Variants in HMGXB4 observed in about 807,000 individuals in gnomAD.
The protein encoded by HMGXB4 is HMG-box containing 4, also known as HMG domain-containing protein 4.
A neutral mutation model predicts 63.9 loss-of-function variants in HMGXB4; 27 were observed. The observed-to-expected ratio is 0.42, with a 90% CI of 0.31 to 0.58. HMGXB4 has a LOEUF of 0.58. Among genes scored for constraint, HMGXB4 ranks in the 20% least tolerant of loss-of-function variants. The pLI is 0.13. For synonymous variants in HMGXB4, 264 were observed against 265.3 expected, an observed-to-expected ratio of 0.99 and a Z score of 0.05; for missense variants, 624 against 700.7, an observed-to-expected ratio of 0.89 and a Z score of 1.24.
intron 2 of HMGXB4, 105 bp downstream of exon 2, chr22:35,262,526 A>G (rs1922927903): frequency 2.6e-6 from 3 of 1,152,196 alleles, no homozygotes; most frequent in South Asian, 1.2e-5. Flanking sequence ...CTGGACTCCC[A>G]AGTGATGGTC....
At chr22:35,256,222 C>T (rs1292006403), upstream of HMGXB4, among the ~76,000 whole-genome samples, 4 of 152,190 alleles carry the variant, frequency 2.6e-5, no homozygotes, top group Non-Finnish European at 5.9e-5. Context: ...ATGACTACCT[C>T]GTCTTCAAGC....
intron 1 of HMGXB4, among the ~76,000 whole-genome samples, chr22:35,259,737 C>G (rs1388255698): frequency 6.6e-6 from 1 of 152,200 alleles, no homozygotes; most frequent in African/African-American, 2.4e-5. Context: ...TTTAGTTTTT[C>G]AAGCTCTTGG....
upstream of HMGXB4, among the ~76,000 whole-genome samples, chr22:35,252,499 C>T (rs376913693): frequency 1.3e-5 from 2 of 152,210 alleles, no homozygotes; most frequent in South Asian, 2.1e-4. Flanking sequence ...TGTTTCACTT[C>T]GAATAATCTC....
At chr22:35,276,687 A>C (rs1007974847) in intron 5 of HMGXB4, among the ~76,000 whole-genome samples, 4 of 152,186 alleles carry the variant, frequency 2.6e-5, no homozygotes, top group African/African-American at 9.7e-5. Context: ...AGAACACTTA[A>C]GACATTAGGA....
chr22:35,251,954 C>T, the HMGXB4 span, among the ~76,000 whole-genome samples: 1 of 152,174 alleles, frequency 6.6e-6, no homozygotes, highest in African/African-American at 2.4e-5. Context: ...CTGGCTCATT[C>T]CTGTAATCCC....
chr22:35,265,754 T>A, intron 5 of HMGXB4, 151 bp downstream of exon 5: 1 of 1,120,660 alleles, frequency 8.9e-7, no homozygotes, highest in Non-Finnish European at 1.2e-6. Context: ...TATAAAATAT[T>A]ACCAGTAGCC....
At chr22:35,262,690 T>C (rs1188560701) in intron 2 of HMGXB4, 7 of 537,678 alleles carry the variant, frequency 1.3e-5, no homozygotes. Context: ...CCTTGCCAGC[T>C]CCAGTGTGCA....
At chr22:35,264,186 G>A (rs1923046037) in intron 4 of HMGXB4, 2 of 714,476 alleles carry the variant, frequency 2.8e-6, no homozygotes, top group Non-Finnish European at 4.5e-6. Context: ...CCTCTGGCCT[G>A]CACCTGTGGG....
chr22:35,265,992 T>A (rs1021970497), intron 5 of HMGXB4, among the ~76,000 whole-genome samples: 2 of 151,400 alleles, frequency 1.3e-5, no homozygotes, highest in African/African-American at 4.9e-5. Context: ...TTTCACCATG[T>A]TGGCCAGGCT....
At chr22:35,246,120 C>A in the HMGXB4 span, among the ~76,000 whole-genome samples, 1 of 152,090 alleles carries the variant, frequency 6.6e-6, no homozygotes, top group African/African-American at 2.4e-5. Context: ...CTTGACCTTC[C>A]CTGACACCAC....
chr22:35,274,933 G>C (rs948115580), intron 5 of HMGXB4, among the ~76,000 whole-genome samples: 3 of 152,080 alleles, frequency 2.0e-5, no homozygotes, highest in Non-Finnish European at 4.4e-5. Context: ...CAGGCTGCCT[G>C]TGTTTAGTGG....
At chr22:35,253,602 C>T (rs12106565), upstream of HMGXB4, among the ~76,000 whole-genome samples, 10,265 of 46,780 alleles carry the variant, frequency 0.22, 487 homozygotes, top group Non-Finnish European at 0.28. Flanking sequence ...GGATTTTGTG[C>T]GCGCGCGCGC....
At position 35,262,434 on chromosome 22, in the gene HMGXB4, A is replaced by T; in HGVS notation, c.31+13A>T. 1 of 1,612,718 alleles carries T rather than the reference A, an allele frequency of 6.2e-7. No homozygotes were observed. The highest frequency in any genetic ancestry group is 8.5e-7 in the Non-Finnish European group (1 of 1,178,740). ...GTGAAGAAAGAAGGTATGACCCCAT[A>T]ATCTGAGAAGCATTCCAAAGGGGGT... On this transcript the variant is annotated intron_variant, in intron 2 of 10. Coordinates refer to ENST00000216106, the MANE Select transcript of HMGXB4 (RefSeq NM_001003681.3).
intron 5 of HMGXB4, among the ~76,000 whole-genome samples, chr22:35,279,839 T>A (rs965841401): frequency 7.9e-5 from 12 of 152,158 alleles, no homozygotes; most frequent in African/African-American, 2.4e-4. Context: ...TTCTGTTCCA[T>A]TGATGTATTT....
intron 5 of HMGXB4, among the ~76,000 whole-genome samples, chr22:35,271,241 TAAA>T (rs1384086947): frequency 6.6e-6 from 1 of 151,330 alleles, no homozygotes. Flanking sequence ...AAAAAATAAA[TAAA>T]AAGTCAGGGA....
intron 2 of HMGXB4, 138 bp downstream of exon 2, chr22:35,262,559 G>A: frequency 1.1e-6 from 1 of 875,022 alleles, no homozygotes; most frequent in Non-Finnish European, 1.9e-6. Context: ...ATGACACTCA[G>A]CCTCCACGCC....
rs1016399253 is a variant in HMGXB4, at chr22:35,294,596, A to G, written c.*945A>G. ...GCATTCCACATGTAAGTGAATTGCA[A>G]AAACAAAACAAAACTCACTCTCTTG... On this transcript the variant is annotated 3_prime_UTR_variant, in exon 11 of 11. Transcript: ENST00000216106. 1 of 152,624 alleles carries G rather than the reference A, an allele frequency of 6.6e-6. No homozygotes were observed. Among genetic ancestry groups the G allele is most frequent in the African/African-American group, 2.4e-5 (1 of 41,450 alleles). 9.5% of individuals were successfully genotyped at this position (152,624 alleles called of 1,614,324 possible).
intron 5 of HMGXB4, among the ~76,000 whole-genome samples, chr22:35,270,121 G>A (rs1041878074): frequency 2.6e-5 from 4 of 152,316 alleles, no homozygotes; most frequent in South Asian, 2.1e-4. Context: ...GTAGCCGTCC[G>A]CGGCCTGTGG....
In HMGXB4 at chr22:35,293,003, T is replaced by G. The variant is rs1237631976; in HGVS notation, c.1650T>G (p.Ala550=). The change falls in exon 10 of 11, where the codon GCT becomes GCG. Residue 550 remains alanine (A), a synonymous_variant. Coordinates refer to ENST00000216106, the MANE Select transcript of HMGXB4 (RefSeq NM_001003681.3). The stretch of plus-strand genomic sequence containing the variant: ...CCTCTCCTTTTCAGGGTATGGTGGC[T>G]GTGTCTGGCAGTTTGTCAGTGCTTC... ...HRLQETEGMV[A]VSGSLSVLLD... is the part of the protein sequence containing the mutation. 2 of 1,614,272 alleles carry G rather than the reference T, an allele frequency of 1.2e-6. No individual in the cohort carries two copies. The highest frequency in any genetic ancestry group is 1.7e-6 in the Non-Finnish European group (2 of 1,180,036).
Sources: allele counts gnomAD v4.1 joint callset (sites outside exome capture counted in the v4.1 genomes callset), GRCh38; gene constraint gnomAD v4.1.1; transcripts MANE v1.5; gene names NCBI Gene and HGNC (gene_info 2026-07-23, HGNC 2026-07-21).